The following NTRK3 variants were observed in gnomAD, a reference collection of about 807,000 sequenced individuals.
The protein encoded by NTRK3 is NT-3 growth factor receptor.
A neutral mutation model predicts 91.7 loss-of-function variants in NTRK3; 24 were observed. The ratio of observed to expected loss-of-function variants is 0.26; its 90% CI spans 0.19 to 0.37. The LOEUF is 0.37. Among genes scored for constraint, NTRK3 ranks in the 10% least tolerant of loss-of-function variants. The pLI, the probability that NTRK3 is intolerant of heterozygous loss-of-function variation, is 1.00. For synonymous variants in NTRK3, 483 were observed against 404.0 expected (o/e 1.20, Z -2.34); for missense variants, 880 against 1,068.9 (o/e 0.82, Z 2.46).
At chr15:87,941,355 C>T (rs972327464) in intron 14 of NTRK3, among the ~76,000 whole-genome samples, 1 of 152,158 alleles carries the variant, frequency 6.6e-6, no homozygotes, top group African/African-American at 2.4e-5. Flanking sequence ...GAACAACTTC[C>T]TTGCTGAATT....
chr15:87,971,603 A>C (rs2073256909), intron 14 of NTRK3, among the ~76,000 whole-genome samples: 1 of 152,208 alleles, frequency 6.6e-6, no homozygotes, highest in South Asian at 2.1e-4. Flanking sequence ...GCTGAGAAAG[A>C]CTGGAAATTA....
chr15:88,250,380 C>G (rs928369308), intron 3 of NTRK3, among the ~76,000 whole-genome samples: 1 of 152,144 alleles, frequency 6.6e-6, no homozygotes, highest in African/African-American at 2.4e-5. Context: ...CTTTTATATG[C>G]CAAGCAACTG....
chr15:88,135,783 A>G, intron 9 of NTRK3, 116 bp downstream of exon 9: 1 of 1,371,962 alleles, frequency 7.3e-7, no homozygotes, highest in Non-Finnish European at 1.0e-6. Flanking sequence ...TTCTGTCCCT[A>G]CTGGTAGATC....
In NTRK3 at chr15:87,863,956, AC is replaced by A. The variant is rs529692138; in HGVS notation, c.*12978del. On this transcript the variant is annotated 3_prime_UTR_variant, in exon 19 of 19. Transcript: ENST00000394480. ...AACAACTACATTCTATCTGCCTTTA[AC>A]CCCCCACCAGGCAAAATACACACAC... 4.5e-4 allele frequency: 102 copies of A among 227,114 alleles called. 1 individual carries two copies. Among genetic ancestry groups the A allele is most frequent in the African/African-American group, 2.2e-3 (97 of 43,408 alleles). 14.1% of individuals were successfully genotyped at this position (227,114 alleles called of 1,614,324 possible). A position where few individuals can be genotyped will look rare whatever the true frequency, so the allele number is the denominator to read the frequency against.
At chr15:88,040,442 A>C (rs931574937) in intron 13 of NTRK3, among the ~76,000 whole-genome samples, 2 of 152,114 alleles carry the variant, frequency 1.3e-5, no homozygotes, top group African/African-American at 4.8e-5. Context: ...AGAGAGGGGG[A>C]AAGAGGTGGG....
Position 88,241,046 on chromosome 15 carries a change from G to A in NTRK3, c.248+14860C>T, listed in dbSNP as rs118086980. ...CTTTACTGAACACCTACTAGGTGGG[G>A]GCTCTTGGGGACAGAGCTGAATAAG... is the stretch of plus-strand genomic sequence containing the variant. On this transcript the variant is annotated intron_variant, in intron 3 of 18. Coordinates refer to ENST00000394480, the Ensembl canonical transcript of NTRK3. This position sits in a 1 kb window ranked among gnomAD's most constrained non-coding sequence, Gnocchi z 4.3. 4.5e-3 allele frequency among the ~76,000 whole-genome samples: 681 copies of A among 152,306 alleles called. 3 individuals carry two copies. Among genetic ancestry groups the A allele is most frequent in the Non-Finnish European group, 6.9e-3 (471 of 68,026 alleles).
intron 14 of NTRK3, among the ~76,000 whole-genome samples, chr15:88,025,272 T>G (rs769264064): frequency 1.3e-5 from 2 of 152,272 alleles, no homozygotes; most frequent in Non-Finnish European, 2.9e-5. Context: ...TAGATATTTA[T>G]GCAAATGAGT....
intron 13 of NTRK3, among the ~76,000 whole-genome samples, chr15:88,041,370 G>A (rs1012633460): frequency 6.6e-6 from 1 of 152,212 alleles, no homozygotes; most frequent in African/African-American, 2.4e-5. Context: ...CTTGGGAGCT[G>A]TGGTAAGCAT....
At chr15:87,966,156 C>T (rs2072777028) in intron 14 of NTRK3, among the ~76,000 whole-genome samples, 2 of 152,288 alleles carry the variant, frequency 1.3e-5, no homozygotes, top group South Asian at 4.2e-4. Context: ...GTTTACCTCT[C>T]CCATAATTTC....
chr15:87,978,920 C>A (rs544179291), intron 14 of NTRK3: 4 of 320,286 alleles, frequency 1.2e-5, no homozygotes, highest in Non-Finnish European at 2.3e-5. Context: ...CCTGGGAGAG[C>A]CAGGGAGACC....
chr15:87,887,046 G>T (rs564116253), intron 17 of NTRK3, among the ~76,000 whole-genome samples: 1 of 152,102 alleles, frequency 6.6e-6, no homozygotes, highest in East Asian at 1.9e-4. Context: ...ATTGATGCTG[G>T]TGTGTATCTC....
intron 14 of NTRK3, among the ~76,000 whole-genome samples, chr15:88,020,869 C>A (rs1481692070): frequency 6.6e-6 from 1 of 152,198 alleles, no homozygotes; most frequent in East Asian, 1.9e-4. Flanking sequence ...CATGCCAAGA[C>A]CATTATATTC....
At chr15:87,888,213 G>A (rs577619799) in intron 17 of NTRK3, among the ~76,000 whole-genome samples, 1 of 152,186 alleles carries the variant, frequency 6.6e-6, no homozygotes, top group South Asian at 2.1e-4. Flanking sequence ...CGGGGAATGA[G>A]CACTAATTAA....
chr15:88,132,310 G>A (rs923808773), intron 10 of NTRK3, among the ~76,000 whole-genome samples: 1 of 152,212 alleles, frequency 6.6e-6, no homozygotes, highest in Non-Finnish European at 1.5e-5. Context: ...CTGTCCAGAC[G>A]CACTGCTATG....
intron 13 of NTRK3, among the ~76,000 whole-genome samples, chr15:88,115,623 A>G (rs554748582): frequency 6.6e-6 from 1 of 152,314 alleles, no homozygotes; most frequent in Non-Finnish European, 1.5e-5. Context: ...GATGCCTGTC[A>G]GGTAGAGAGG....
At chr15:88,032,165 C>G (rs565271460) in intron 14 of NTRK3, among the ~76,000 whole-genome samples, 2 of 152,004 alleles carry the variant, frequency 1.3e-5, no homozygotes, top group Non-Finnish European at 2.9e-5. Flanking sequence ...CAGGAGGAAC[C>G]CTGCTGGATG....
At chr15:88,020,760 G>A (rs1034564360) in intron 14 of NTRK3, among the ~76,000 whole-genome samples, 4 of 152,146 alleles carry the variant, frequency 2.6e-5, no homozygotes, top group Non-Finnish European at 5.9e-5. Flanking sequence ...CTGGGTCTAA[G>A]GCCACCCACT....
exon 19 of NTRK3, chr15:87,861,915 C>T: frequency 4.6e-6 from 1 of 215,356 alleles, no homozygotes. Flanking sequence ...GCCAGCAGAT[C>T]GTTCCTCCAT....
intron 14 of NTRK3, among the ~76,000 whole-genome samples, chr15:87,953,920 C>G (rs1484769654): frequency 6.6e-6 from 1 of 152,024 alleles, no homozygotes; most frequent in African/African-American, 2.4e-5. Flanking sequence ...TGCCCATCTG[C>G]CCCTCCTCCG....
Sources: allele counts gnomAD v4.1 joint callset (sites outside exome capture counted in the v4.1 genomes callset), GRCh38; gene constraint gnomAD v4.1.1; non-coding constraint Gnocchi (gnomAD v3.1); transcripts MANE v1.5; gene names NCBI Gene and HGNC (gene_info 2026-07-23, HGNC 2026-07-21).